PLXNA4: variants seen among roughly 807,000 people sequenced by gnomAD.
The protein encoded by PLXNA4 is plexin A4, also known as plexin-A4.
PLXNA4 carries 44 observed loss-of-function variants against 191.8 expected under a neutral mutation model. The ratio of observed to expected loss-of-function variants is 0.23; its 90% CI spans 0.18 to 0.29. The LOEUF (loss-of-function observed/expected upper bound fraction) is 0.29. Ranked by LOEUF, PLXNA4 falls within the 10% of genes least tolerant of loss-of-function variation. PLXNA4 has a pLI of 1.00. For missense variants in PLXNA4, 1,800 were observed against 2,488.8 expected (o/e 0.72, Z 5.89); for synonymous variants, 1,082 against 1,009.5 (o/e 1.07, Z -1.36).
chr7:132,425,285 A>T (rs1430260850), intron 3 of PLXNA4, among the ~76,000 whole-genome samples: 1 of 152,110 alleles, frequency 6.6e-6, no homozygotes, highest in Non-Finnish European at 1.5e-5. Context: ...GCCACTTTAA[A>T]GGAAAGCTTT....
intron 2 of PLXNA4, among the ~76,000 whole-genome samples, chr7:132,587,178 G>A (rs192463196): frequency 6.6e-6 from 1 of 152,206 alleles, no homozygotes; most frequent in Non-Finnish European, 1.5e-5. Context: ...GCCCAGAAGG[G>A]AATTAATTGG....
intron 25 of PLXNA4, 135 bp from the exon 26 acceptor site, chr7:132,148,781 A>C: frequency 7.3e-7 from 1 of 1,367,514 alleles, no homozygotes; most frequent in Non-Finnish European, 9.7e-7. Context: ...TGCTCCTGCG[A>C]AAATGGAGTG....
At chr7:132,270,130 A>G (rs1800010061) in intron 4 of PLXNA4, among the ~76,000 whole-genome samples, 1 of 152,184 alleles carries the variant, frequency 6.6e-6, no homozygotes, top group African/African-American at 2.4e-5. Context: ...ACATAGCCCT[A>G]CCTACAGTTT....
chr7:132,514,535 A>T (rs1372107310), intron 1 of PLXNA4, among the ~76,000 whole-genome samples: 1 of 152,148 alleles, frequency 6.6e-6, no homozygotes, highest in Non-Finnish European at 1.5e-5. Flanking sequence ...GGATAAGATT[A>T]ACATTTAAAT....
At position 132,385,293 on chromosome 7, in the gene PLXNA4, C is replaced by T. The variant is rs113034481; in HGVS notation, c.1372-87071G>A. 3.3e-4 allele frequency: 530 copies of T among 1,611,096 alleles called. 3 individuals carry two copies. Among genetic ancestry groups the T allele is most frequent in the South Asian group, 1.2e-3 (106 of 90,460 alleles). On this transcript the variant is annotated intron_variant, in intron 3 of 31. Transcript: ENST00000321063. ...GGGTAGGGCAGAGGCTGGTACCAGG[C>T]ATCTGGAAAAGATGAAACCTTAGCA...
rs1027304350 is a variant in PLXNA4, at chr7:132,129,452, G to C, written c.*1027C>G. The C allele has an allele frequency of 6.6e-6, 1 of 152,232 alleles. No individual in the cohort carries two copies. The highest frequency in any genetic ancestry group is 2.4e-5 in the African/African-American group (1 of 41,452). 9.4% of individuals were successfully genotyped at this position (152,232 alleles called of 1,614,324 possible). ...TGGGGATGGAGCCATGGAGATGGCT[G>C]GAGGTAGAATCTCCTAGATGCACTC... On this transcript the variant is annotated 3_prime_UTR_variant, in exon 32 of 32. Transcript: ENST00000321063.
intron 3 of PLXNA4, among the ~76,000 whole-genome samples, chr7:132,386,803 G>T (rs752203066): frequency 6.6e-6 from 1 of 152,174 alleles, no homozygotes; most frequent in Non-Finnish European, 1.5e-5. Flanking sequence ...CCCCAAAGAC[G>T]GGACACTTTT....
chr7:132,467,466 G>C (rs149208161), intron 3 of PLXNA4, among the ~76,000 whole-genome samples: 2 of 152,214 alleles, frequency 1.3e-5, no homozygotes, highest in East Asian at 3.9e-4. Context: ...TCCCATCCTA[G>C]GCTCTGAAAA....
intron 3 of PLXNA4, among the ~76,000 whole-genome samples, chr7:132,402,841 C>T (rs1379662978): frequency 6.6e-6 from 1 of 152,362 alleles, no homozygotes; most frequent in East Asian, 1.9e-4. Flanking sequence ...ACAGAAACTG[C>T]GTGTCCTTGA....
chr7:132,499,598 T>C (rs1451861695), intron 2 of PLXNA4, among the ~76,000 whole-genome samples: 1 of 152,206 alleles, frequency 6.6e-6, no homozygotes, highest in African/African-American at 2.4e-5. Flanking sequence ...CCACAAGGGC[T>C]GTCATTGAAG....
intron 2 of PLXNA4, among the ~76,000 whole-genome samples, chr7:132,505,140 G>C (rs1225549114): frequency 6.6e-6 from 1 of 152,320 alleles, no homozygotes; most frequent in Middle Eastern, 3.4e-3. Flanking sequence ...AACTTGAAAG[G>C]GCTAATTAAA....
intron 4 of PLXNA4, among the ~76,000 whole-genome samples, chr7:132,259,557 G>C (rs1481553249): frequency 6.6e-6 from 1 of 150,774 alleles, no homozygotes; most frequent in Admixed American, 6.6e-5. Context: ...TGTGGGATAA[G>C]GTGTGCATTC....
intron 3 of PLXNA4, among the ~76,000 whole-genome samples, chr7:132,439,563 T>C (rs1795610954): frequency 6.6e-6 from 1 of 152,168 alleles, no homozygotes; most frequent in African/African-American, 2.4e-5. Context: ...CCCAGTCACC[T>C]TGGGTGACAC....
chr7:132,423,755 T>C (rs887969547), intron 3 of PLXNA4, among the ~76,000 whole-genome samples: 5 of 152,232 alleles, frequency 3.3e-5, no homozygotes, highest in African/African-American at 1.2e-4. Context: ...GAGCTGATTG[T>C]GACTGGTCCT....
intron 3 of PLXNA4, among the ~76,000 whole-genome samples, chr7:132,360,355 G>A (rs1803885183): frequency 6.6e-6 from 1 of 152,156 alleles, no homozygotes; most frequent in South Asian, 2.1e-4. Flanking sequence ...AGACAGCTTA[G>A]GAGAATATGC....
intron 1 of PLXNA4, among the ~76,000 whole-genome samples, chr7:132,561,295 T>TCC (rs1801030125): frequency 6.6e-6 from 1 of 151,204 alleles, no homozygotes; most frequent in East Asian, 2.0e-4. Context: ...CTCCTCCTCC[T>TCC]TCTCCTCCTC....
At chr7:132,595,596 C>T (rs56028522) in intron 2 of PLXNA4, among the ~76,000 whole-genome samples, 12,451 of 152,194 alleles carry the variant, frequency 0.082, 1,136 homozygotes, top group African/African-American at 0.22. Context: ...TCACAACACC[C>T]AGGCACTAAG....
intron 3 of PLXNA4, among the ~76,000 whole-genome samples, chr7:132,356,597 C>T (rs893173350): frequency 1.6e-4 from 25 of 152,342 alleles, no homozygotes; most frequent in Middle Eastern, 3.4e-3. Flanking sequence ...CTGCATCCAC[C>T]GCTGTTGTCC....
chr7:132,430,537 A>G (rs1795220214), intron 3 of PLXNA4, among the ~76,000 whole-genome samples: 1 of 152,192 alleles, frequency 6.6e-6, no homozygotes, highest in African/African-American at 2.4e-5. Flanking sequence ...GGATTAGGGT[A>G]TGCACAGTTG....
Sources: gnomAD v4.1 joint callset for allele counts (sites outside exome capture counted in the v4.1 genomes callset) on GRCh38, gnomAD v4.1.1 for gene constraint, MANE v1.5 for transcripts, NCBI Gene and HGNC (gene_info 2026-07-23, HGNC 2026-07-21) for gene names.